The following BMP5 variants were observed in gnomAD, a reference collection of about 807,000 sequenced individuals.
The protein encoded by BMP5 is bone morphogenetic protein 5.
A neutral mutation model predicts 46.6 loss-of-function variants in BMP5; 23 were observed. That is an observed-to-expected ratio of 0.49 (90% CI 0.35 to 0.70). BMP5 has a LOEUF of 0.70. Ranked by LOEUF, BMP5 falls within the 30% of genes least tolerant of loss-of-function variation. The probability of loss-of-function intolerance (pLI) is 0.00; values close to 1 mark genes in which losing one functional copy is unlikely to be tolerated. For synonymous variants in BMP5, 204 were observed against 191.9 expected, an observed-to-expected ratio of 1.06 and a Z score of -0.52; for missense variants, 545 against 565.6, an observed-to-expected ratio of 0.96 and a Z score of 0.37.
At chr6:55,815,133 C>CAAAAAAAAAAAAA (rs35015007) in intron 2 of BMP5, among the ~76,000 whole-genome samples, 2 of 77,966 alleles carry the variant, frequency 2.6e-5, no homozygotes, top group Non-Finnish European at 5.0e-5. Context: ...AACTCCATCT[C>CAAAAAAAAAAAAA]AAAAAAAAAA....
At chr6:55,830,918 C>T (rs1007360789) in intron 1 of BMP5, among the ~76,000 whole-genome samples, 19 of 152,072 alleles carry the variant, frequency 1.2e-4, no homozygotes, top group Admixed American at 1.2e-3. Flanking sequence ...TTTCTCTTCA[C>T]ATTCTGTGCT....
At chr6:55,839,258 T>C (rs1193778348) in intron 1 of BMP5, among the ~76,000 whole-genome samples, 3 of 152,050 alleles carry the variant, frequency 2.0e-5, no homozygotes, top group Non-Finnish European at 4.4e-5. Context: ...TTCATTTTTA[T>C]TTATTTAGGG....
intron 4 of BMP5, among the ~76,000 whole-genome samples, chr6:55,764,735 G>A (rs749986292): frequency 0.043 from 6,235 of 145,080 alleles, 182 homozygotes; most frequent in Non-Finnish European, 0.064. Flanking sequence ...AAAAAAAAAA[G>A]ATCTCCTGAA....
At chr6:55,795,187 A>G (rs1775677586) in intron 2 of BMP5, among the ~76,000 whole-genome samples, 1 of 152,154 alleles carries the variant, frequency 6.6e-6, no homozygotes. Context: ...TTGTTGAATT[A>G]TAATGAATAA....
chr6:55,778,219 G>A (rs1235922019), intron 3 of BMP5, among the ~76,000 whole-genome samples: 2 of 151,936 alleles, frequency 1.3e-5, no homozygotes, highest in South Asian at 2.1e-4. Context: ...CTGGAAAGAG[G>A]GTAGGGATGT....
intron 4 of BMP5, among the ~76,000 whole-genome samples, chr6:55,773,276 A>G (rs1401075538): frequency 6.6e-6 from 1 of 151,938 alleles, no homozygotes; most frequent in Non-Finnish European, 1.5e-5. Flanking sequence ...ACATGAAATC[A>G]ATTTTTGAAC....
intron 3 of BMP5, among the ~76,000 whole-genome samples, chr6:55,790,097 AT>A: frequency 6.6e-6 from 1 of 152,158 alleles, no homozygotes; most frequent in East Asian, 1.9e-4. Context: ...AAATTTAATA[AT>A]ACACATCACT....
In BMP5 at chr6:55,785,450, C is replaced by CA. The variant is rs533224648; in HGVS notation, c.832+8828dup. On this transcript the variant is annotated intron_variant, in intron 3 of 6. Coordinates refer to ENST00000370830, the MANE Select transcript of BMP5 (RefSeq NM_021073.4). Reference sequence around the variant, plus strand: ...TCATTTGTATGCAGTGGGCAAATGACAAAAAACTAAAGCATACAGGGAAGA... The same window carrying CA: ...TCATTTGTATGCAGTGGGCAAATGACAAAAAAACTAAAGCATACAGGGAAGA... 5.9e-3 allele frequency among the ~76,000 whole-genome samples: 900 copies of CA among 151,756 alleles called. 9 individuals carry two copies. Among genetic ancestry groups the CA allele is most frequent in the African/African-American group, 0.02 (842 of 41,470 alleles).
chr6:55,767,998 GAT>G (rs1774956757), intron 4 of BMP5, among the ~76,000 whole-genome samples: 1 of 151,870 alleles, frequency 6.6e-6, no homozygotes, highest in African/African-American at 2.4e-5. Flanking sequence ...GTACCATGTT[GAT>G]ATCAGCATAT....
Position 55,860,294 on chromosome 6 carries a change from A to G in BMP5, c.490+14082T>C, listed in dbSNP as rs112541429. ...GTCTCAAAAAATTTTTTTAAAAAGTAATGTTTTCAACGAAATTCATTTCAG... is the reference window on the plus strand; with the variant it reads ...GTCTCAAAAAATTTTTTTAAAAAGTGATGTTTTCAACGAAATTCATTTCAG... On this transcript the variant is annotated intron_variant, in intron 1 of 6. Transcript: ENST00000370830. Among the ~76,000 whole-genome samples, 403 of 152,292 alleles carry G rather than the reference A, an allele frequency of 2.6e-3. 1 individual carries two copies. The highest frequency in any genetic ancestry group is 9.2e-3 in the African/African-American group (384 of 41,568).
intron 3 of BMP5, among the ~76,000 whole-genome samples, chr6:55,780,022 C>T (rs1252975787): frequency 2.0e-5 from 3 of 151,652 alleles, no homozygotes; most frequent in East Asian, 3.9e-4. Flanking sequence ...TGAGGTTTGG[C>T]GTACAATACC....
intron 5 of BMP5, among the ~76,000 whole-genome samples, chr6:55,759,657 A>G (rs1774716656): frequency 6.6e-6 from 1 of 151,888 alleles, no homozygotes; most frequent in Admixed American, 6.6e-5. Context: ...TTCATGCATT[A>G]ACTTTATGGT....
chr6:55,830,628 T>A (rs1776642042), intron 1 of BMP5, among the ~76,000 whole-genome samples: 1 of 152,154 alleles, frequency 6.6e-6, no homozygotes, highest in Non-Finnish European at 1.5e-5. Context: ...ATGTTAGTTA[T>A]CAGATGATCT....
intron 4 of BMP5, among the ~76,000 whole-genome samples, chr6:55,762,050 A>G (rs900345903): frequency 9.2e-5 from 14 of 152,100 alleles, no homozygotes; most frequent in African/African-American, 3.4e-4. Flanking sequence ...ACTTTTTATA[A>G]TTGTTTTAAA....
At chr6:55,798,795 T>C (rs903915306) in intron 2 of BMP5, among the ~76,000 whole-genome samples, 1 of 152,196 alleles carries the variant, frequency 6.6e-6, no homozygotes, top group Non-Finnish European at 1.5e-5. Flanking sequence ...TAGTTATACA[T>C]GGGCTATTGG....
chr6:55,762,279 T>G (rs1774805162), intron 4 of BMP5, among the ~76,000 whole-genome samples: 2 of 152,108 alleles, frequency 1.3e-5, no homozygotes, highest in Non-Finnish European at 2.9e-5. Context: ...CAGTTTTTGT[T>G]AAAGTGTCAC....
intron 2 of BMP5, among the ~76,000 whole-genome samples, chr6:55,818,667 G>A (rs1776334703): frequency 6.6e-6 from 1 of 152,072 alleles, no homozygotes; most frequent in Admixed American, 6.6e-5. Flanking sequence ...TTTCTTCATT[G>A]AGTATTGCAA....
At chr6:55,830,103 C>T (rs1036601657) in intron 1 of BMP5, among the ~76,000 whole-genome samples, 30 of 151,960 alleles carry the variant, frequency 2.0e-4, no homozygotes, top group Admixed American at 9.9e-4. Context: ...AACTGGAATA[C>T]ATAATACATG....
At chr6:55,830,338 T>C (rs1033313310) in intron 1 of BMP5, among the ~76,000 whole-genome samples, 2 of 152,058 alleles carry the variant, frequency 1.3e-5, no homozygotes, top group African/African-American at 4.8e-5. Context: ...GTGGTCTCAG[T>C]TCACAGAGTA....
Sources: allele counts gnomAD v4.1 joint callset (sites outside exome capture counted in the v4.1 genomes callset), GRCh38; gene constraint gnomAD v4.1.1; transcripts MANE v1.5; gene names NCBI Gene and HGNC (gene_info 2026-07-23, HGNC 2026-07-21).